H2BC14: variants seen among roughly 807,000 people sequenced by gnomAD.
H2BC14 encodes the protein H2B clustered histone 14.
A neutral mutation model predicts 6.3 loss-of-function variants in H2BC14; 17 were observed. The observed-to-expected ratio is 2.70, with a 90% CI of 1.84 to 4.04. The LOEUF is 4.04. H2BC14 is among the 30% of genes most tolerant of loss of function. The pLI, the probability that H2BC14 is intolerant of heterozygous loss-of-function variation, is 0.00. For synonymous variants in H2BC14, 131 were observed against 69.0 expected, an observed-to-expected ratio of 1.90 and a Z score of -4.45; for missense variants, 235 against 165.1, an observed-to-expected ratio of 1.42 and a Z score of -2.32.
chr6:27,815,073 C>G lies in H2BC14; in HGVS notation c.30C>G (p.Val10=). The G allele has an allele frequency of 6.2e-7, 1 of 1,613,120 alleles. No individual in the cohort carries two copies. Among genetic ancestry groups the G allele is most frequent in the East Asian group, 2.2e-5 (1 of 44,884 alleles). Residue 10 remains valine, a synonymous_variant, in exon 1 of 1, where the codon GTC becomes GTG. Transcript: ENST00000621112. MPEPVKSAP[V]PKKGSKKAIN... ...CTGAACCAGTCAAATCTGCTCCAGT[C>G]CCTAAAAAAGGCTCCAAGAAGGCCA...
chr6:27,815,445 T>C lies in H2BC14; in HGVS notation c.*21T>C, dbSNP rs774910221. Reference sequence around the variant, plus strand: ...AGTGAGCCTCTCGCTGCAGTAACAGTTCCGCCGTGACCCACACCCCAAAGG... The same window carrying C: ...AGTGAGCCTCTCGCTGCAGTAACAGCTCCGCCGTGACCCACACCCCAAAGG... On this transcript the variant is annotated 3_prime_UTR_variant, in exon 1 of 1. Transcript: ENST00000621112. 3.1e-6 allele frequency: 5 copies of C among 1,612,610 alleles called. No individual in the cohort carries two copies. Among genetic ancestry groups the C allele is most frequent in the Admixed American group, 1.7e-5 (1 of 59,840 alleles).
chr6:27,815,190 C>T lies in H2BC14; in HGVS notation c.147C>T (p.Val49=), dbSNP rs765646942. ...SVYVYKVLKQ[V]HPDTGISSKA... is the part of the protein sequence containing the mutation. ...ATGTGTACAAGGTGCTGAAGCAGGT[C>T]CACCCCGACACCGGCATCTCTTCCA... The change falls in exon 1 of 1, where the codon GTC becomes GTT. Residue 49 remains valine, a synonymous_variant. Coordinates refer to ENST00000621112, the MANE Select transcript of H2BC14 (RefSeq NM_003521.3). The T allele has an allele frequency of 6.2e-7, 1 of 1,614,228 alleles. No homozygotes were observed. The highest frequency in any genetic ancestry group is 1.7e-5 in the Admixed American group (1 of 60,018).
Position 27,815,351 on chromosome 6 carries a change from T to C in H2BC14, c.308T>C (p.Leu103Pro), listed in dbSNP as rs2113882439. ...ATCCAGACGGCCGTGCGCCTACTGC[T>C]ACCCGGGGAATTGGCCAAGCACGCC... ...REIQTAVRLL[L>P]PGELAKHAVS... Residue 103 changes from leucine to proline, a missense_variant, in exon 1 of 1, where the codon CTA (leucine) becomes CCA (proline). Transcript: ENST00000621112. 6.2e-7 allele frequency: 1 copy of C among 1,614,180 alleles called. No individual in the cohort carries two copies. The highest frequency in any genetic ancestry group is 8.5e-7 in the Non-Finnish European group (1 of 1,180,022).
chr6:27,815,432 G>C lies in H2BC14; in HGVS notation c.*8G>C, dbSNP rs772571094. On this transcript the variant is annotated 3_prime_UTR_variant, in exon 1 of 1. Transcript: ENST00000621112. ...TATACCAGCTCCAAGTGAGCCTCTC[G>C]CTGCAGTAACAGTTCCGCCGTGACC... is the stretch of plus-strand genomic sequence containing the variant. 1 of 1,613,014 alleles carries C rather than the reference G, an allele frequency of 6.2e-7. No individual in the cohort carries two copies. Among genetic ancestry groups the C allele is most frequent in the Non-Finnish European group, 8.5e-7 (1 of 1,179,606 alleles).
rs771458432 is a variant in H2BC14 at position 27,815,035 on chromosome 6, T to C, written c.-9T>C. The C allele has an allele frequency of 2.5e-6, 4 of 1,579,644 alleles. No homozygotes were observed. The highest frequency in any genetic ancestry group is 1.7e-4 in the Middle Eastern group (1 of 5,870). ...AGCCCTAAGGTTGTCTTTTATTTTG[T>C]TTTCCACCATGCCTGAACCAGTCAA... On this transcript the variant is annotated 5_prime_UTR_variant, in exon 1 of 1. Coordinates refer to ENST00000621112, the MANE Select transcript of H2BC14 (RefSeq NM_003521.3).
chr6:27,815,055 A>G lies in H2BC14; in HGVS notation c.12A>G (p.Pro4=). MPE[P]VKSAPVPKKG... ...TTTTGTTTTCCACCATGCCTGAACCAGTCAAATCTGCTCCAGTCCCTAAAA... is the reference window on the plus strand; with the variant it reads ...TTTTGTTTTCCACCATGCCTGAACCGGTCAAATCTGCTCCAGTCCCTAAAA... Residue 4 remains proline (P), a synonymous_variant, in exon 1 of 1, where the codon CCA becomes CCG. Coordinates refer to ENST00000621112, the MANE Select transcript of H2BC14 (RefSeq NM_003521.3). The G allele has an allele frequency of 1.2e-6, 2 of 1,609,476 alleles. No homozygotes were observed. Among genetic ancestry groups the G allele is most frequent in the South Asian group, 1.1e-5 (1 of 90,734 alleles).
rs1482300311 is a variant in H2BC14, at chr6:27,815,342, G to A, written c.299G>A (p.Arg100His). 6.2e-7 allele frequency: 1 copy of A among 1,614,224 alleles called. No individual in the cohort carries two copies. ...ITSREIQTAV[R>H]LLLPGELAKH... is the part of the protein sequence containing the mutation. ...TCGAGGGAGATCCAGACGGCCGTGC[G>A]CCTACTGCTACCCGGGGAATTGGCC... Residue 100 changes from arginine to histidine, a missense_variant, in exon 1 of 1, where the codon CGC becomes CAC. Physicochemically the swap from Arg to His is conservative, Grantham distance 29. Transcript: ENST00000621112.
Position 27,815,365 on chromosome 6 carries a change from G to T in H2BC14, c.322G>T (p.Ala108Ser). ...GCGCCTACTGCTACCCGGGGAATTGGCCAAGCACGCCGTGTCCGAGGGCAC... is the reference window on the plus strand; with the variant it reads ...GCGCCTACTGCTACCCGGGGAATTGTCCAAGCACGCCGTGTCCGAGGGCAC... Reference protein sequence around the residue: ...AVRLLLPGELAKHAVSEGTKA... With the variant: ...AVRLLLPGELSKHAVSEGTKA... The change falls in exon 1 of 1, where the codon GCC (alanine) becomes TCC (serine). Residue 108 changes from alanine (A) to serine (S), a missense_variant. Coordinates refer to ENST00000621112, the MANE Select transcript of H2BC14 (RefSeq NM_003521.3). The T allele has an allele frequency of 6.2e-7, 1 of 1,614,202 alleles. No homozygotes were observed. Among genetic ancestry groups the T allele is most frequent in the Non-Finnish European group, 8.5e-7 (1 of 1,180,042 alleles).
chr6:27,815,331 G>T lies in H2BC14; in HGVS notation c.288G>T (p.Gln96His). 1 of 1,614,276 alleles carries T rather than the reference G, an allele frequency of 6.2e-7. No homozygotes were observed. Residue 96 changes from glutamine (Q) to histidine (H), a missense_variant, in exon 1 of 1, where the codon CAG becomes CAT. By Grantham distance (24) the Gln-to-His change is conservative. Coordinates refer to ENST00000621112, the MANE Select transcript of H2BC14 (RefSeq NM_003521.3). The stretch of plus-strand genomic sequence containing the variant: ...CGACCATCACTTCGAGGGAGATCCA[G>T]ACGGCCGTGCGCCTACTGCTACCCG... Reference protein sequence around the residue: ...KRSTITSREIQTAVRLLLPGE... With the variant: ...KRSTITSREIHTAVRLLLPGE...
chr6:27,815,343 C>T lies in H2BC14; in HGVS notation c.300C>T (p.Arg100=). Residue 100 remains arginine, a synonymous_variant, in exon 1 of 1, where the codon CGC becomes CGT. Coordinates refer to ENST00000621112, the MANE Select transcript of H2BC14 (RefSeq NM_003521.3). ...ITSREIQTAV[R]LLLPGELAKH... The stretch of plus-strand genomic sequence containing the variant: ...CGAGGGAGATCCAGACGGCCGTGCG[C>T]CTACTGCTACCCGGGGAATTGGCCA... The T allele has an allele frequency of 2.5e-6, 4 of 1,614,218 alleles. No homozygotes were observed. Among genetic ancestry groups the T allele is most frequent in the South Asian group, 1.1e-5 (1 of 91,082 alleles).
rs780452518 is a variant in H2BC14 at position 27,815,099 on chromosome 6, T to C, written c.56T>C (p.Ile19Thr). ...PVPKKGSKKAINKAQKKDGKK... is the reference protein window; with the variant it reads ...PVPKKGSKKATNKAQKKDGKK... ...CCTAAAAAAGGCTCCAAGAAGGCCA[T>C]TAACAAGGCTCAGAAGAAGGATGGA... is the stretch of plus-strand genomic sequence containing the variant. The change falls in exon 1 of 1, where the codon ATT becomes ACT. Residue 19 changes from isoleucine to threonine, a missense_variant. Transcript: ENST00000621112. 1.8e-5 allele frequency: 29 copies of C among 1,613,960 alleles called. No homozygotes were observed. The highest frequency in any genetic ancestry group is 2.5e-5 in the Non-Finnish European group (29 of 1,179,990).
chr6:27,815,058 C>G lies in H2BC14; in HGVS notation c.15C>G (p.Val5=), dbSNP rs1445967426. MPEP[V]KSAPVPKKGS... is the part of the protein sequence containing the mutation. ...TGTTTTCCACCATGCCTGAACCAGT[C>G]AAATCTGCTCCAGTCCCTAAAAAAG... The change falls in exon 1 of 1, where the codon GTC becomes GTG. Residue 5 remains valine (V), a synonymous_variant. Transcript: ENST00000621112. 3 of 1,610,630 alleles carry G rather than the reference C, an allele frequency of 1.9e-6. No homozygotes were observed. Among genetic ancestry groups the G allele is most frequent in the Non-Finnish European group, 1.7e-6 (2 of 1,178,300 alleles).
Position 27,815,377 on chromosome 6 carries a change from G to A in H2BC14, c.334G>A (p.Val112Met). 1.9e-6 allele frequency: 3 copies of A among 1,614,166 alleles called. No homozygotes were observed. The highest frequency in any genetic ancestry group is 2.5e-6 in the Non-Finnish European group (3 of 1,180,026). ...ACCCGGGGAATTGGCCAAGCACGCCGTGTCCGAGGGCACCAAGGCCGTCAC... is the reference window on the plus strand; with the variant it reads ...ACCCGGGGAATTGGCCAAGCACGCCATGTCCGAGGGCACCAAGGCCGTCAC... ...LLPGELAKHA[V>M]SEGTKAVTKY... The change falls in exon 1 of 1, where the codon GTG (valine) becomes ATG (methionine). Residue 112 changes from valine to methionine, a missense_variant. Val to Met is a conservative substitution (Grantham distance 21). Coordinates refer to ENST00000621112, the MANE Select transcript of H2BC14 (RefSeq NM_003521.3).
Position 27,815,204 on chromosome 6 carries a change from G to C in H2BC14, c.161G>C (p.Gly54Ala). Residue 54 changes from glycine to alanine, a missense_variant, in exon 1 of 1, where the codon GGC becomes GCC. Transcript: ENST00000621112. ...CTGAAGCAGGTCCACCCCGACACCG[G>C]CATCTCTTCCAAGGCTATGGGAATC... ...KVLKQVHPDT[G>A]ISSKAMGIMN... 1 of 1,614,206 alleles carries C rather than the reference G, an allele frequency of 6.2e-7. No homozygotes were observed. The highest frequency in any genetic ancestry group is 8.5e-7 in the Non-Finnish European group (1 of 1,180,044).
chr6:27,815,286 G>A lies in H2BC14; in HGVS notation c.243G>A (p.Leu81=). The A allele has an allele frequency of 6.2e-7, 1 of 1,614,236 alleles. No individual in the cohort carries two copies. ...FERIAGEASR[L]AHYNKRSTIT... ...GTATCGCCGGAGAAGCGTCACGCCT[G>A]GCGCATTACAACAAGCGCTCGACCA... The change falls in exon 1 of 1, where the codon CTG becomes CTA. Residue 81 remains leucine, a synonymous_variant. Transcript: ENST00000621112.
Position 27,815,222 on chromosome 6 carries a change from T to C in H2BC14, c.179T>C (p.Met60Thr), listed in dbSNP as rs1329873003. The change falls in exon 1 of 1, where the codon ATG becomes ACG. Residue 60 changes from methionine (M) to threonine (T), a missense_variant. Transcript: ENST00000621112. ...GACACCGGCATCTCTTCCAAGGCTA[T>C]GGGAATCATGAACTCCTTCGTCAAC... ...HPDTGISSKA[M>T]GIMNSFVNDI... 6.2e-7 allele frequency: 1 copy of C among 1,614,108 alleles called. No homozygotes were observed.
rs754251150 is a variant in H2BC14, at chr6:27,815,148, G to T, written c.105G>T (p.Lys35Asn). 5 of 1,614,226 alleles carry T rather than the reference G, an allele frequency of 3.1e-6. No homozygotes were observed. The highest frequency in any genetic ancestry group is 3.4e-6 in the Non-Finnish European group (4 of 1,180,036). Residue 35 changes from lysine to asparagine, a missense_variant, in exon 1 of 1, where the codon AAG (lysine) becomes AAT (asparagine). Transcript: ENST00000621112. ...GAAAGAAGCGCAAACGCAGCCGCAA[G>T]GAGAGCTACTCTGTGTATGTGTACA... Reference protein sequence around the residue: ...KDGKKRKRSRKESYSVYVYKV... With the variant: ...KDGKKRKRSRNESYSVYVYKV...
Position 27,815,054 on chromosome 6 carries a change from C to CAGTCAAA in H2BC14, c.12_18dup (p.Ala8GlnfsTer7), listed in dbSNP as rs1561925887. On this transcript the variant is annotated frameshift_variant, in exon 1 of 1. Transcript: ENST00000621112. LOFTEE classifies it high-confidence loss of function. ...ATTTTGTTTTCCACCATGCCTGAAC[C>CAGTCAAA]AGTCAAATCTGCTCCAGTCCCTAAA... 3 of 1,606,466 alleles carry CAGTCAAA rather than the reference C, an allele frequency of 1.9e-6. No individual in the cohort carries two copies. Among genetic ancestry groups the CAGTCAAA allele is most frequent in the Non-Finnish European group, 1.7e-6 (2 of 1,177,278 alleles).
chr6:27,815,477 T>A lies in H2BC14; in HGVS notation c.*53T>A. The A allele has an allele frequency of 3.1e-6, 5 of 1,587,300 alleles. No individual in the cohort carries two copies. The South Asian group carries it at 4.6e-5, about 15-fold the overall frequency. On this transcript the variant is annotated 3_prime_UTR_variant, in exon 1 of 1. Transcript: ENST00000621112. The stretch of plus-strand genomic sequence containing the variant: ...GTGACCCACACCCCAAAGGCTCTTT[T>A]CAGAGCCGTCCACGTTTCTCAAGAA...
Sources: allele counts gnomAD v4.1 joint callset, GRCh38; gene constraint gnomAD v4.1.1; transcripts MANE v1.5; gene names NCBI Gene and HGNC (gene_info 2026-07-23, HGNC 2026-07-21).